MAX: variants seen among roughly 807,000 people sequenced by gnomAD.
MAX encodes the protein MYC associated transcriptional regulator X, also known as protein max.
Under a neutral mutation model 22.3 loss-of-function variants are expected in MAX, and 3 were observed. The ratio of observed to expected loss-of-function variants is 0.13; its 90% CI spans 0.06 to 0.35. The LOEUF (loss-of-function observed/expected upper bound fraction) is 0.35. Among genes scored for constraint, MAX ranks in the 10% least tolerant of loss-of-function variants. MAX has a pLI of 1.00. For missense variants in MAX, 119 were observed against 209.4 expected (o/e 0.57, Z 2.66); for synonymous variants, 72 against 77.7 (o/e 0.93, Z 0.39).
At position 65,054,631 on chromosome 14, in the gene MAX, A is replaced by G. The variant is rs2062687832; in HGVS notation, c.171+39077T>C. 2 of 1,613,846 alleles carry G rather than the reference A, an allele frequency of 1.2e-6. No homozygotes were observed. The highest frequency in any genetic ancestry group is 8.5e-7 in the Non-Finnish European group (1 of 1,179,904). On this transcript the variant is annotated intron_variant, in intron 3 of 3. Transcript: ENST00000341653. This position sits in a 1 kb window ranked among gnomAD's most constrained non-coding sequence, Gnocchi z 4.4. The stretch of plus-strand genomic sequence containing the variant: ...CTGAGCGGCCTGTCCATAGCCCAGC[A>G]CTTCGGCAGCGGAGCCATGTTGCAT...
Position 65,064,258 on chromosome 14 carries a change from C to A in MAX, c.171+29450G>T, listed in dbSNP as rs116407995. ...TTGGACCAAGCATTCTAGTTGCCCA[C>A]ATGCACTGCTTGGTGGCATTTACTG... On this transcript the variant is annotated intron_variant, in intron 3 of 3. Transcript: ENST00000341653. 5.7e-3 allele frequency among the ~76,000 whole-genome samples: 863 copies of A among 152,292 alleles called. 4 individuals carry two copies. The highest frequency in any genetic ancestry group is 0.019 in the African/African-American group (799 of 41,560).
rs1752240012 is a variant in MAX, at chr14:65,054,823, C to G, written c.171+38885G>C. 1.6e-5 allele frequency: 16 copies of G among 991,740 alleles called. No homozygotes were observed. Among genetic ancestry groups the G allele is most frequent in the Non-Finnish European group, 2.4e-5 (16 of 674,022 alleles). The allele number at this position is 991,740 out of a possible 1,614,324, so 61.4% of individuals were successfully genotyped here. ...GCTTGTGGTCCCTCTGCCCTTCGAG[C>G]TGTGCAGCCGTTAGTGAGGATGTGA... On this transcript the variant is annotated intron_variant, in intron 3 of 3. Transcript: ENST00000341653. The surrounding 1 kb of genome is among the most constrained non-coding windows in gnomAD (Gnocchi z 4.4).
chr14:65,072,947 T>C (rs115216967), downstream of MAX, among the ~76,000 whole-genome samples: 890 of 152,350 alleles, frequency 5.8e-3, 8 homozygotes, highest in African/African-American at 0.02. Context: ...GCATTTGTGA[T>C]ATACCAAGAA....
intron 3 of MAX, among the ~76,000 whole-genome samples, chr14:65,058,808 A>C (rs1015037784): frequency 2.0e-5 from 3 of 152,126 alleles, no homozygotes; most frequent in African/African-American, 7.2e-5. Context: ...TAGTAGAGGC[A>C]GTGTGTCTGT....
At chr14:65,085,595 A>G (rs759155824) in intron 3 of MAX, among the ~76,000 whole-genome samples, 13 of 152,160 alleles carry the variant, frequency 8.5e-5, no homozygotes, top group Admixed American at 6.5e-5. Flanking sequence ...TTAGGTGATA[A>G]GTTAATCACA....
chr14:65,043,047 G>C (rs2062387300), intron 3 of MAX, among the ~76,000 whole-genome samples: 1 of 152,150 alleles, frequency 6.6e-6, no homozygotes, highest in Non-Finnish European at 1.5e-5. Context: ...TTCCATCAAG[G>C]GTCCCAGTGG....
At position 65,032,665 on chromosome 14, in the gene MAX, C is replaced by G; in HGVS notation, c.172-26381G>C. ...GCTGACCAACATCATCACTCCAGAC[C>G]TCTTTGAGGGCACTGCTGAATGGAT... On this transcript the variant is annotated intron_variant, in intron 3 of 3. Transcript: ENST00000341653. This position sits in a 1 kb window ranked among gnomAD's most constrained non-coding sequence, Gnocchi z 5.0. 1.2e-6 allele frequency: 2 copies of G among 1,613,970 alleles called. No homozygotes were observed. Among genetic ancestry groups the G allele is most frequent in the South Asian group, 1.1e-5 (1 of 91,056 alleles).
chr14:65,074,465 C>T (rs2063018056), downstream of MAX, among the ~76,000 whole-genome samples: 2 of 152,232 alleles, frequency 1.3e-5, no homozygotes, highest in South Asian at 4.1e-4. Flanking sequence ...CCACAGTGCT[C>T]TCCACCACTC....
chr14:65,015,497 T>G (rs532827840), intron 3 of MAX: 13 of 642,012 alleles, frequency 2.0e-5, no homozygotes, highest in Middle Eastern at 3.9e-4. Context: ...ATTCACTGAT[T>G]GTTGTTTGAG....
At chr14:65,099,540 A>AT (rs2063768196) in intron 2 of MAX, among the ~76,000 whole-genome samples, 1 of 139,584 alleles carries the variant, frequency 7.2e-6, no homozygotes, top group South Asian at 2.3e-4. Context: ...CCAAAAAAAC[A>AT]AACAAACAAA....
In MAX at chr14:65,030,952, C is replaced by T. The variant is rs2062069099; in HGVS notation, c.172-24668G>A. On this transcript the variant is annotated intron_variant, in intron 3 of 3. Transcript: ENST00000341653. This position sits in a 1 kb window ranked among gnomAD's most constrained non-coding sequence, Gnocchi z 4.5. ...TCTCCCAAGTAGCTGGGATTACAGG[C>T]GTGTGCCACCATGCCCAGCTAATTT... 2.0e-5 allele frequency among the ~76,000 whole-genome samples: 3 copies of T among 152,154 alleles called. No individual in the cohort carries two copies. The highest frequency in any genetic ancestry group is 1.9e-4 in the East Asian group (1 of 5,162).
intron 3 of MAX, among the ~76,000 whole-genome samples, chr14:65,056,290 C>A (rs1378762907): frequency 6.6e-6 from 1 of 152,068 alleles, no homozygotes; most frequent in Admixed American, 6.6e-5. Flanking sequence ...TAAATGTACC[C>A]CAGTGTGTTT....
Position 65,032,543 on chromosome 14 carries a change from C to T in MAX, c.172-26259G>A, listed in dbSNP as rs1052985570. Reference sequence around the variant, plus strand: ...CTAGGCAAGGCGAGCAGTCCGCCCGCGGAGTTCACTGAGCCTCATTAGCTC... The same window carrying T: ...CTAGGCAAGGCGAGCAGTCCGCCCGTGGAGTTCACTGAGCCTCATTAGCTC... On this transcript the variant is annotated intron_variant, in intron 3 of 3. Transcript: ENST00000341653. The surrounding 1 kb of genome is among the most constrained non-coding windows in gnomAD (Gnocchi z 5.0). The T allele has an allele frequency of 3.5e-5, 55 of 1,575,390 alleles. No individual in the cohort carries two copies. The South Asian group carries it at 4.5e-4, about 13-fold the overall frequency.
At position 65,077,654 on chromosome 14, in the gene MAX, A is replaced by G; in HGVS notation, c.295+259T>C. ...CTGCAGGCAGAGCACCTGAGCCCCA[A>G]GAAGGGGAGAGGTCAGGCCAGAAAA... On this transcript the variant is annotated intron_variant, in intron 4 of 4. Coordinates refer to ENST00000358664, the MANE Select transcript of MAX (RefSeq NM_002382.5). The surrounding 1 kb of genome is among the most constrained non-coding windows in gnomAD (Gnocchi z 6.3). The G allele has an allele frequency of 7.0e-7, 1 of 1,423,074 alleles. No homozygotes were observed. The highest frequency in any genetic ancestry group is 9.6e-7 in the Non-Finnish European group (1 of 1,038,672). The allele number at this position is 1,423,074 out of a possible 1,614,324, so 88.2% of individuals were successfully genotyped here. A position where few individuals can be genotyped will look rare whatever the true frequency, so the allele number is the denominator to read the frequency against.
rs1208336871 is a variant in MAX at position 65,079,187 on chromosome 14, A to G, written c.172-1151T>C. Among the ~76,000 whole-genome samples the G allele has an allele frequency of 6.6e-6, 1 of 152,190 alleles. No individual in the cohort carries two copies. On this transcript the variant is annotated intron_variant, in intron 3 of 4. Coordinates refer to ENST00000358664, the MANE Select transcript of MAX (RefSeq NM_002382.5). The surrounding 1 kb of genome is among the most constrained non-coding windows in gnomAD (Gnocchi z 4.5). ...CATCAAGACCCAAGATTCCAGCCAA[A>G]CTCTGAAACCACTGTTAACTATTCC...
intron 3 of MAX, among the ~76,000 whole-genome samples, chr14:65,089,218 T>C (rs915721976): frequency 2.0e-4 from 30 of 152,166 alleles, no homozygotes; most frequent in Admixed American, 1.6e-3. Context: ...TCTGGCTCTC[T>C]CTCTCCACCA....
rs2062104856 is a variant in MAX at position 65,032,452 on chromosome 14, C to A, written c.172-26168G>T. 2 of 608,898 alleles carry A rather than the reference C, an allele frequency of 3.3e-6. No individual in the cohort carries two copies. Among genetic ancestry groups the A allele is most frequent in the Non-Finnish European group, 5.4e-6 (2 of 373,328 alleles). The allele number at this position is 608,898 out of a possible 1,614,324, so 37.7% of individuals were successfully genotyped here. ...TCTATCCAAATAGAATGTCACACCT[C>A]TCAGTTGGAGACCCAGGAGGACTGA... is the stretch of plus-strand genomic sequence containing the variant. On this transcript the variant is annotated intron_variant, in intron 3 of 3. Transcript: ENST00000341653. This position sits in a 1 kb window ranked among gnomAD's most constrained non-coding sequence, Gnocchi z 5.0.
chr14:65,085,996 G>A (rs903414767), intron 3 of MAX, among the ~76,000 whole-genome samples: 3 of 152,154 alleles, frequency 2.0e-5, no homozygotes, highest in Non-Finnish European at 4.4e-5. Flanking sequence ...ATTGAATCAT[G>A]GGGGTTGGTC....
intron 3 of MAX, among the ~76,000 whole-genome samples, chr14:65,055,836 T>C (rs1224463499): frequency 6.6e-6 from 1 of 152,204 alleles, no homozygotes; most frequent in Non-Finnish European, 1.5e-5. Context: ...TTTCTTTTAA[T>C]TGGGAAACAT....
Sources: allele counts gnomAD v4.1 joint callset (sites outside exome capture counted in the v4.1 genomes callset), GRCh38; gene constraint gnomAD v4.1.1; non-coding constraint Gnocchi (gnomAD v3.1); transcripts MANE v1.5; gene names NCBI Gene and HGNC (gene_info 2026-07-23, HGNC 2026-07-21).